ITSN1: variants seen among roughly 807,000 people sequenced by gnomAD.
ITSN1 encodes the protein intersectin 1, also known as intersectin-1.
In ITSN1, 58 loss-of-function variants were observed where a neutral mutation model predicts 239.8. The observed-to-expected ratio is 0.24, with a 90% CI of 0.20 to 0.30. The LOEUF (loss-of-function observed/expected upper bound fraction) is 0.30, where lower values mean the gene tolerates loss of function less well. ITSN1 is among the 10% of genes least tolerant of loss of function. The probability of loss-of-function intolerance (pLI) is 1.00; values close to 1 mark genes in which losing one functional copy is unlikely to be tolerated. For synonymous variants in ITSN1, 780 were observed against 770.8 expected, an observed-to-expected ratio of 1.01 and a Z score of -0.20; for missense variants, 1,558 against 2,103.3, an observed-to-expected ratio of 0.74 and a Z score of 5.07.
Position 33,885,140 on chromosome 21 carries a change from C to T in ITSN1, c.4759+17C>T, listed in dbSNP as rs368648891. 3.7e-5 allele frequency: 60 copies of T among 1,605,730 alleles called. No individual in the cohort carries two copies. In the African/African-American group the frequency reaches 4.1e-4, roughly 11 times the overall value. On this transcript the variant is annotated intron_variant, in intron 37 of 39. Transcript: ENST00000381318. ...CGTACCTGGGTAATGCATGGCCCCG[C>T]GGGGTGTCCTGCACAGCTGGGCAGG...
chr21:33,846,390 A>G (rs1010498600), intron 29 of ITSN1, among the ~76,000 whole-genome samples: 35 of 152,244 alleles, frequency 2.3e-4, no homozygotes, highest in African/African-American at 8.0e-4. Flanking sequence ...ACAGAAATAC[A>G]TAGATACTCT....
intron 22 of ITSN1, 29 bp from the exon 23 acceptor site, chr21:33,818,238 G>T: frequency 6.3e-7 from 1 of 1,596,360 alleles, no homozygotes; most frequent in Non-Finnish European, 8.6e-7. Flanking sequence ...GCAACATAAC[G>T]AGAGGTCCTT....
At chr21:33,816,783 A>G (rs2073303460) in intron 22 of ITSN1, among the ~76,000 whole-genome samples, 4 of 152,126 alleles carry the variant, frequency 2.6e-5, no homozygotes, top group South Asian at 4.1e-4. Flanking sequence ...CCACTGCAAG[A>G]GGGGGAAAAT....
intron 5 of ITSN1, among the ~76,000 whole-genome samples, chr21:33,736,955 A>G (rs2066541076): frequency 6.6e-6 from 1 of 152,242 alleles, no homozygotes; most frequent in Non-Finnish European, 1.5e-5. Context: ...ACTGCACCCC[A>G]GCCTGGGTGA....
intron 26 of ITSN1, among the ~76,000 whole-genome samples, chr21:33,828,184 G>C (rs1254684505): frequency 6.6e-6 from 1 of 152,250 alleles, no homozygotes; most frequent in Non-Finnish European, 1.5e-5. Context: ...GGGGCAGATT[G>C]CTGGCTGCGT....
chr21:33,811,005 T>A lies in ITSN1; in HGVS notation c.2350T>A (p.Trp784Arg). 1.2e-6 allele frequency: 2 copies of A among 1,614,222 alleles called. No individual in the cohort carries two copies. Among genetic ancestry groups the A allele is most frequent in the Non-Finnish European group, 1.7e-6 (2 of 1,180,048 alleles). The change falls in exon 21 of 40, where the codon TGG (tryptophan) becomes AGG (arginine). Residue 784 changes from tryptophan to arginine, a missense_variant. Around this residue, in one of 2 missense-constraint regions of ITSN1, gnomAD observed 982 missense variants for 1,209.9 expected, o/e 0.81. Transcript: ENST00000381318. ...VDESQTGEPG[W>R]LGGELKGKTG... ...TGAAAGCCAAACTGGAGAACCCGGCTGGCTTGGAGGAGAATTAAAAGGAAA... is the reference window on the plus strand; with the variant it reads ...TGAAAGCCAAACTGGAGAACCCGGCAGGCTTGGAGGAGAATTAAAAGGAAA...
At chr21:33,828,296 G>A (rs145363738) in intron 26 of ITSN1, among the ~76,000 whole-genome samples, 1,754 of 152,356 alleles carry the variant, frequency 0.012, 29 homozygotes, top group African/African-American at 0.04. Flanking sequence ...CTGGTCTTTG[G>A]TGTGTTGCAG....
intron 20 of ITSN1, among the ~76,000 whole-genome samples, chr21:33,806,261 A>G (rs2072441758): frequency 6.6e-6 from 1 of 152,104 alleles, no homozygotes; most frequent in South Asian, 2.1e-4. Flanking sequence ...GAGAAACCTT[A>G]TATTTCAAAA....
intron 1 of ITSN1, among the ~76,000 whole-genome samples, chr21:33,700,839 T>A (rs529145686): frequency 1.3e-5 from 2 of 152,352 alleles, no homozygotes; most frequent in Non-Finnish European, 2.9e-5. Flanking sequence ...ATGTTCATAA[T>A]CACCTTTTAG....
At chr21:33,867,188 G>A in intron 32 of ITSN1, 45 bp from the exon 33 acceptor site, 2 of 1,185,252 alleles carry the variant, frequency 1.7e-6, no homozygotes, top group Non-Finnish European at 2.5e-6. Flanking sequence ...ACTAACTTTG[G>A]ATTTTGCAAG....
At chr21:33,836,943 C>T (rs1255614809) in intron 29 of ITSN1, 3 of 1,523,662 alleles carry the variant, frequency 2.0e-6, no homozygotes, top group Non-Finnish European at 2.7e-6. Context: ...GAATTTTGCT[C>T]ATTGTTTTGT....
chr21:33,874,562 C>A (rs1170085598), intron 33 of ITSN1, among the ~76,000 whole-genome samples: 2 of 152,064 alleles, frequency 1.3e-5, no homozygotes, highest in Non-Finnish European at 2.9e-5. Context: ...GAAAATAGCA[C>A]GGAACTGGGC....
chr21:33,835,333 C>T (rs2074541441), intron 28 of ITSN1, among the ~76,000 whole-genome samples: 12 of 152,148 alleles, frequency 7.9e-5, no homozygotes, highest in Admixed American at 7.9e-4. Context: ...GTCAGTATCC[C>T]TCCACTTCCA....
chr21:33,690,390 G>C (rs969830248), intron 1 of ITSN1, among the ~76,000 whole-genome samples: 4 of 151,920 alleles, frequency 2.6e-5, no homozygotes, highest in Non-Finnish European at 4.4e-5. Context: ...ACGAGGTCAG[G>C]AGATCGAGAC....
chr21:33,831,484 G>A (rs1459183281), intron 27 of ITSN1, among the ~76,000 whole-genome samples: 1 of 152,204 alleles, frequency 6.6e-6, no homozygotes, highest in African/African-American at 2.4e-5. Context: ...TGAGCAGGAC[G>A]GTATGGAACT....
chr21:33,784,426 C>T (rs1375433742), intron 16 of ITSN1, among the ~76,000 whole-genome samples: 1 of 151,746 alleles, frequency 6.6e-6, no homozygotes, highest in African/African-American at 2.4e-5. Context: ...TCACTTGAGT[C>T]TGGGAGGTTG....
chr21:33,841,237 G>GA (rs894062455), intron 29 of ITSN1, among the ~76,000 whole-genome samples: 2 of 152,222 alleles, frequency 1.3e-5, no homozygotes, highest in Admixed American at 6.5e-5. Flanking sequence ...TGCTTTCAGC[G>GA]ATGCCATCAG....
intron 9 of ITSN1, among the ~76,000 whole-genome samples, chr21:33,763,229 CAAAAAAAAAAAA>C (rs71322243): frequency 5.7e-5 from 4 of 69,834 alleles, no homozygotes; most frequent in African/African-American, 2.2e-4. Flanking sequence ...GCCCCCCAAC[CAAAAAAAAAAAA>C]AAAAAAAAAA....
intron 26 of ITSN1, chr21:33,829,350 C>A (rs576071306): frequency 9.9e-6 from 4 of 405,208 alleles, no homozygotes; most frequent in African/African-American, 8.1e-5. Context: ...GAGCGGACTT[C>A]GTGGAGGGAA....
Sources: allele counts gnomAD v4.1 joint callset (sites outside exome capture counted in the v4.1 genomes callset), GRCh38; gene constraint gnomAD v4.1.1; regional missense constraint gnomAD v4.1.1; transcripts MANE v1.5; gene names NCBI Gene and HGNC (gene_info 2026-07-23, HGNC 2026-07-21).